CREB5: variants seen among roughly 807,000 people sequenced by gnomAD.
CREB5 encodes cAMP responsive element binding protein 5.
In CREB5, 19 loss-of-function variants were observed where a neutral mutation model predicts 57.1. The observed-to-expected ratio is 0.33, with a 90% CI of 0.23 to 0.49. CREB5 has a LOEUF of 0.49. Among genes scored for constraint, CREB5 ranks in the 20% least tolerant of loss-of-function variants. The pLI, the probability that CREB5 is intolerant of heterozygous loss-of-function variation, is 0.99. For missense variants in CREB5, 579 were observed against 671.6 expected, an observed-to-expected ratio of 0.86 and a Z score of 1.52; for synonymous variants, 238 against 238.3, an observed-to-expected ratio of 1.00 and a Z score of 0.01.
At chr7:28,466,778 A>G (rs1420415883) in intron 1 of CREB5, among the ~76,000 whole-genome samples, 1 of 152,136 alleles carries the variant, frequency 6.6e-6, no homozygotes, top group Non-Finnish European at 1.5e-5. Flanking sequence ...TCTGAGCCCC[A>G]AGGTCAAGGC....
At chr7:28,581,807 C>G (rs1306198523) in intron 5 of CREB5, among the ~76,000 whole-genome samples, 1 of 152,216 alleles carries the variant, frequency 6.6e-6, no homozygotes, top group Non-Finnish European at 1.5e-5. Context: ...GGTGACCTCA[C>G]TAGAAGCAAG....
At chr7:28,462,785 C>T (rs1351982454) in intron 1 of CREB5, among the ~76,000 whole-genome samples, 1 of 151,998 alleles carries the variant, frequency 6.6e-6, no homozygotes, top group African/African-American at 2.4e-5. Context: ...TGTTTAGTTG[C>T]AAGAATATTT....
At chr7:28,452,808 C>T (rs1220197952) in intron 1 of CREB5, among the ~76,000 whole-genome samples, 1 of 152,188 alleles carries the variant, frequency 6.6e-6, no homozygotes, top group Admixed American at 6.5e-5. Context: ...GCCTGGGGGA[C>T]TCAGTCCACA....
intron 1 of CREB5, among the ~76,000 whole-genome samples, chr7:28,319,708 T>A (rs1390434096): frequency 6.6e-6 from 1 of 151,934 alleles, no homozygotes; most frequent in East Asian, 1.9e-4. Context: ...AAGGGTAGAG[T>A]GAGCATCCCC....
intron 1 of CREB5, among the ~76,000 whole-genome samples, chr7:28,436,419 A>G (rs1226438434): frequency 2.6e-5 from 4 of 152,166 alleles, no homozygotes; most frequent in African/African-American, 7.2e-5. Context: ...TGTTTGCCCT[A>G]TTAAGTGGGC....
intron 4 of CREB5, among the ~76,000 whole-genome samples, chr7:28,516,209 A>T (rs906137975): frequency 5.9e-5 from 9 of 151,764 alleles, no homozygotes; most frequent in African/African-American, 2.2e-4. Context: ...GACACCTTGT[A>T]TTTTTTTTAA....
In CREB5 at chr7:28,824,490, A is replaced by C. The variant is rs1562669964; in HGVS notation, c.*5211A>C. On this transcript the variant is annotated 3_prime_UTR_variant, in exon 11 of 11. Coordinates refer to ENST00000357727, the MANE Select transcript of CREB5 (RefSeq NM_182898.4). ...CTCAAAAATACAATGTTGCCTTGTA[A>C]CATAATTAGGGACAGCACCTCTATT... 1 of 152,616 alleles carries C rather than the reference A, an allele frequency of 6.6e-6. No homozygotes were observed. The highest frequency in any genetic ancestry group is 2.4e-5 in the African/African-American group (1 of 41,456). The allele number at this position is 152,616 out of a possible 1,614,324, so 9.5% of individuals were successfully genotyped here.
At chr7:28,757,617 G>A (rs1805399732) in intron 7 of CREB5, among the ~76,000 whole-genome samples, 1 of 151,354 alleles carries the variant, frequency 6.6e-6, no homozygotes, top group Admixed American at 6.6e-5. Context: ...AGCTTGCAGT[G>A]AGCCGAGATC....
At chr7:28,504,646 A>G (rs1216195977) in intron 3 of CREB5, among the ~76,000 whole-genome samples, 1 of 152,118 alleles carries the variant, frequency 6.6e-6, no homozygotes, top group Non-Finnish European at 1.5e-5. Context: ...TTTTGTTGTT[A>G]CTGCTTTTGT....
At chr7:28,623,594 A>G (rs1292998191) in intron 5 of CREB5, among the ~76,000 whole-genome samples, 1 of 152,234 alleles carries the variant, frequency 6.6e-6, no homozygotes, top group African/African-American at 2.4e-5. Flanking sequence ...AGAATCTTAA[A>G]GAAACAGATT....
chr7:28,554,453 A>G (rs1232939834), intron 4 of CREB5, among the ~76,000 whole-genome samples: 2 of 152,150 alleles, frequency 1.3e-5, no homozygotes, highest in Non-Finnish European at 2.9e-5. Context: ...GGGTTTATCT[A>G]TCTGAATTCC....
intron 4 of CREB5, among the ~76,000 whole-genome samples, chr7:28,560,969 T>TGTGCGCGTGTGCGTGCGC (rs1562798174): frequency 1.2e-4 from 3 of 24,976 alleles, no homozygotes; most frequent in South Asian, 5.0e-3. Context: ...TGCGTGTGTG[T>TGTGCGCGTGTGCGTGCGC]GTGCGTGTGT....
chr7:28,673,369 G>C (rs1295288399), intron 5 of CREB5, among the ~76,000 whole-genome samples: 1 of 152,136 alleles, frequency 6.6e-6, no homozygotes, highest in Admixed American at 6.6e-5. Context: ...TTGTCCCCTG[G>C]AAAGCAGCTC....
chr7:28,577,848 G>A (rs1309838351), intron 5 of CREB5, among the ~76,000 whole-genome samples: 3 of 152,172 alleles, frequency 2.0e-5, no homozygotes, highest in African/African-American at 4.8e-5. Context: ...TCAGTGCTGC[G>A]TGTGTGACTA....
intron 1 of CREB5, among the ~76,000 whole-genome samples, chr7:28,301,676 A>AT (rs1785100043): frequency 6.6e-6 from 1 of 152,214 alleles, no homozygotes; most frequent in Non-Finnish European, 1.5e-5. Flanking sequence ...CTGGCTATGA[A>AT]TTTCTGTTGT....
At chr7:28,487,043 G>A in intron 1 of CREB5, among the ~76,000 whole-genome samples, 1 of 152,130 alleles carries the variant, frequency 6.6e-6, no homozygotes, top group Non-Finnish European at 1.5e-5. Context: ...TTGAGACGGA[G>A]TCTTGCTCTG....
At chr7:28,451,631 G>A (rs1405625428) in intron 1 of CREB5, among the ~76,000 whole-genome samples, 1 of 152,120 alleles carries the variant, frequency 6.6e-6, no homozygotes, top group Non-Finnish European at 1.5e-5. Context: ...GTATGTGTAT[G>A]TGTGTGCATG....
At chr7:28,643,507 A>T (rs1798763865) in intron 5 of CREB5, among the ~76,000 whole-genome samples, 1 of 152,118 alleles carries the variant, frequency 6.6e-6, no homozygotes, top group Non-Finnish European at 1.5e-5. Context: ...AGATAGATAC[A>T]CATCCTTTCT....
intron 5 of CREB5, among the ~76,000 whole-genome samples, chr7:28,580,056 G>A (rs73079869): frequency 0.065 from 9,949 of 152,126 alleles, 438 homozygotes; most frequent in South Asian, 0.11. Flanking sequence ...TTGTGGGAGG[G>A]AAGCCTACTG....
Sources: gnomAD v4.1 joint callset for allele counts (sites outside exome capture counted in the v4.1 genomes callset) on GRCh38, gnomAD v4.1.1 for gene constraint, MANE v1.5 for transcripts, NCBI Gene and HGNC (gene_info 2026-07-23, HGNC 2026-07-21) for gene names.